Variants in FCRL6 observed in about 807,000 individuals in gnomAD.
FCRL6 encodes Fc receptor-like protein 6.
FCRL6 carries 50 observed loss-of-function variants against 49.1 expected under a neutral mutation model. The observed-to-expected ratio is 1.02, with a 90% CI of 0.81 to 1.29. The LOEUF (loss-of-function observed/expected upper bound fraction) is 1.29. Ranked by LOEUF, FCRL6 falls within the 50% of genes most tolerant of loss-of-function variation. The probability of loss-of-function intolerance (pLI) is 0.00; values close to 1 mark genes in which losing one functional copy is unlikely to be tolerated. For synonymous variants in FCRL6, 213 were observed against 199.6 expected (o/e 1.07, Z -0.57); for missense variants, 571 against 518.5 (o/e 1.10, Z -0.98).
At chr1:159,802,250 A>G (rs763208361), upstream of FCRL6, 2 of 583,992 alleles carry the variant, frequency 3.4e-6, no homozygotes, top group Admixed American at 5.8e-5. Context: ...AAGAGGAAAT[A>G]TCAATTAGAG....
Position 159,809,612 on chromosome 1 carries a change from G to A in FCRL6, c.815G>A (p.Gly272Glu). 2.5e-6 allele frequency: 4 copies of A among 1,614,146 alleles called. No individual in the cohort carries two copies. The highest frequency in any genetic ancestry group is 3.4e-6 in the Non-Finnish European group (4 of 1,180,016). Reference protein sequence around the residue: ...LFPVKSEQDAGNYSCEAENSV... With the variant: ...LFPVKSEQDAENYSCEAENSV... ...CCAGTGAAGTCAGAACAGGATGCTG[G>A]GAACTACTCCTGCGAGGCTGAGAAC... The change falls in exon 5 of 10, where the codon GGG becomes GAG. Residue 272 changes from glycine to glutamate, a missense_variant. Gly to Glu is a moderately conservative substitution (Grantham distance 98, BLOSUM62 -2). Coordinates refer to ENST00000368106, the MANE Select transcript of FCRL6 (RefSeq NM_001004310.3).
chr1:159,801,852 C>T (rs1662354017), upstream of FCRL6, among the ~76,000 whole-genome samples: 1 of 152,182 alleles, frequency 6.6e-6, no homozygotes, highest in Non-Finnish European at 1.5e-5. Context: ...CTACTCCAGA[C>T]TCATCGATGT....
intron 6 of FCRL6, among the ~76,000 whole-genome samples, chr1:159,812,804 T>C (rs1663165532): frequency 6.6e-6 from 1 of 152,170 alleles, no homozygotes. Flanking sequence ...GAACCAAGTG[T>C]TCTAAAATCT....
intron 8 of FCRL6, 80 bp from the exon 9 acceptor site, chr1:159,815,348 A>G (rs974350028): frequency 8.0e-6 from 12 of 1,495,298 alleles, no homozygotes; most frequent in Non-Finnish European, 1.1e-5. Context: ...AGAGGAAGAT[A>G]GCCAGCCAGG....
intron 6 of FCRL6, among the ~76,000 whole-genome samples, chr1:159,811,176 C>T (rs889030816): frequency 5.9e-5 from 9 of 152,224 alleles, no homozygotes; most frequent in Non-Finnish European, 1.3e-4. Flanking sequence ...AATGTTGGCT[C>T]TCAAAGCAAT....
intron 1 of FCRL6, among the ~76,000 whole-genome samples, chr1:159,803,503 G>A (rs1395276162): frequency 2.0e-5 from 3 of 152,072 alleles, no homozygotes; most frequent in South Asian, 2.1e-4. Flanking sequence ...CATGCTACTC[G>A]TGTGTTCTAT....
chr1:159,806,370 ATGGTTGGATGGTTGGG>A (rs1176341981), intron 1 of FCRL6, among the ~76,000 whole-genome samples: 1 of 150,814 alleles, frequency 6.6e-6, no homozygotes, highest in African/African-American at 2.4e-5. Flanking sequence ...GGGTGGTTGG[ATGGTTGGATGGTTGGG>A]TGGTTGGATG....
At position 159,815,441 on chromosome 1, in the gene FCRL6, G is replaced by A. The variant is rs377492866; in HGVS notation, c.1161G>A (p.Glu387=). The A allele has an allele frequency of 2.2e-5, 35 of 1,614,082 alleles. No individual in the cohort carries two copies. The highest frequency in any genetic ancestry group is 1.6e-4 in the South Asian group (15 of 91,084). ...TSKRSEARSA[E]FTVGRKDSSI... ...CTTTCCCCACAGCCAGGTCTGCTGA[G>A]TTCACCGTGGGGAGAAAGGTGAGCT... Residue 387 remains glutamate (E), a synonymous_variant, in exon 9 of 10, where the codon GAG becomes GAA. Transcript: ENST00000368106.
chr1:159,809,453 C>T lies in FCRL6; in HGVS notation c.656C>T (p.Ala219Val), dbSNP rs749754897. The T allele has an allele frequency of 6.8e-6, 11 of 1,613,750 alleles. No individual in the cohort carries two copies. The highest frequency in any genetic ancestry group is 6.6e-5 in the South Asian group (6 of 91,068). The change falls in exon 5 of 10, where the codon GCT becomes GTT. Residue 219 changes from alanine (A) to valine (V), a missense_variant. Transcript: ENST00000368106. ...CTGCACCACGGGCCTGCTGACCCTG[C>T]TGTGGGGGACATGGTGCAGCTCCTC... ...LTLHHGPADP[A>V]VGDMVQLLCE... is the part of the protein sequence containing the mutation.
At chr1:159,810,335 AG>A in intron 6 of FCRL6, 119 bp downstream of exon 6, 7 of 1,253,176 alleles carry the variant, frequency 5.6e-6, no homozygotes, top group Middle Eastern at 5.6e-4. Context: ...GTGGAGTGGC[AG>A]GGGGGACTTC....
chr1:159,806,631 T>C lies in FCRL6; in HGVS notation c.52+15T>C. 2 of 1,613,462 alleles carry C rather than the reference T, an allele frequency of 1.2e-6. No homozygotes were observed. The highest frequency in any genetic ancestry group is 1.7e-6 in the Non-Finnish European group (2 of 1,179,296). ...TGGGAAAACTGGTAAGTTGTGTCCATGTCTCTTCTAATTCAAAGTATGTCT... is the reference window on the plus strand; with the variant it reads ...TGGGAAAACTGGTAAGTTGTGTCCACGTCTCTTCTAATTCAAAGTATGTCT... On this transcript the variant is annotated intron_variant, in intron 2 of 9. Transcript: ENST00000368106.
chr1:159,808,762 G>C (rs1264981531), intron 3 of FCRL6, 199 bp from the exon 4 acceptor site: 1 of 629,526 alleles, frequency 1.6e-6, no homozygotes, highest in East Asian at 2.8e-5. Flanking sequence ...TGACTTCCAA[G>C]ATTCCAGAAG....
Position 159,815,742 on chromosome 1 carries a change from CT to C in FCRL6, c.*82del, listed in dbSNP as rs1663370649. ...AAGACAGTGGGGTCCTCAACTCTTT[CT>C]GTGGGTCCTTCAGTTCCCAAGCCCA... On this transcript the variant is annotated 3_prime_UTR_variant, in exon 10 of 10. Coordinates refer to ENST00000368106, the MANE Select transcript of FCRL6 (RefSeq NM_001004310.3). 1.9e-6 allele frequency: 3 copies of C among 1,552,692 alleles called. No homozygotes were observed. The highest frequency in any genetic ancestry group is 2.6e-6 in the Non-Finnish European group (3 of 1,138,060).
chr1:159,812,451 T>C (rs1255268901), intron 6 of FCRL6, among the ~76,000 whole-genome samples: 2 of 152,238 alleles, frequency 1.3e-5, no homozygotes, highest in Admixed American at 1.3e-4. Context: ...AACAAGGATA[T>C]GGTCATGCAA....
chr1:159,809,653 A>G lies in FCRL6; in HGVS notation c.856A>G (p.Arg286Gly). The change falls in exon 5 of 10, where the codon AGG becomes GGG. Residue 286 changes from arginine to glycine, a missense_variant. Transcript: ENST00000368106. ...GGCTGAGAACAGTGTCTCCAGAGAGAGGAGTGAGCCCAAGAAGCTGTCTCT... is the reference window on the plus strand; with the variant it reads ...GGCTGAGAACAGTGTCTCCAGAGAGGGGAGTGAGCCCAAGAAGCTGTCTCT... ...CEAENSVSRE[R>G]SEPKKLSLKG... The G allele has an allele frequency of 6.2e-7, 1 of 1,614,114 alleles. No homozygotes were observed. Among genetic ancestry groups the G allele is most frequent in the Non-Finnish European group, 8.5e-7 (1 of 1,180,014 alleles).
chr1:159,813,355 G>A, intron 6 of FCRL6, 134 bp from the exon 7 acceptor site: 1 of 714,924 alleles, frequency 1.4e-6, no homozygotes, highest in Non-Finnish European at 2.5e-6. Flanking sequence ...CCAGACCTGT[G>A]AACTAGCCCT....
At chr1:159,806,938 G>C (rs1357108933) in intron 2 of FCRL6, among the ~76,000 whole-genome samples, 1 of 152,138 alleles carries the variant, frequency 6.6e-6, no homozygotes, top group African/African-American at 2.4e-5. Context: ...AACTCAACAA[G>C]ACTGGGACTC....
In FCRL6 at chr1:159,804,936, G is replaced by A. The variant is rs183367806; in HGVS notation, c.32-1660G>A. ...TAGTAACCACTTTCCCAGGCAGTGG[G>A]TCAACATAACCTTCACAACTACACT... On this transcript the variant is annotated intron_variant, in intron 1 of 9. Coordinates refer to ENST00000368106, the MANE Select transcript of FCRL6 (RefSeq NM_001004310.3). 5.9e-5 allele frequency among the ~76,000 whole-genome samples: 9 copies of A among 152,224 alleles called. No individual in the cohort carries two copies. The East Asian group carries it at 1.7e-3, about 29-fold the overall frequency.
chr1:159,803,563 G>A (rs1662478837), intron 1 of FCRL6, among the ~76,000 whole-genome samples: 1 of 152,134 alleles, frequency 6.6e-6, no homozygotes, highest in Non-Finnish European at 1.5e-5. Flanking sequence ...ACTGAGGCGG[G>A]GACAGGATAG....
Sources: gnomAD v4.1 joint callset for allele counts (sites outside exome capture counted in the v4.1 genomes callset) on GRCh38, gnomAD v4.1.1 for gene constraint, MANE v1.5 for transcripts, NCBI Gene and HGNC (gene_info 2026-07-23, HGNC 2026-07-21) for gene names.